ZBTB8B: variants seen among roughly 807,000 people sequenced by gnomAD.
ZBTB8B encodes the protein zinc finger and BTB domain-containing protein 8B.
Under a neutral mutation model 30.3 loss-of-function variants are expected in ZBTB8B, and 17 were observed. The ratio of observed to expected loss-of-function variants is 0.56; its 90% CI spans 0.38 to 0.84. ZBTB8B has a LOEUF of 0.84. Ranked by LOEUF, ZBTB8B falls within the 40% of genes least tolerant of loss-of-function variation. The pLI, the probability that ZBTB8B is intolerant of heterozygous loss-of-function variation, is 0.00. For missense variants in ZBTB8B, 515 were observed against 644.9 expected (o/e 0.80, Z 2.18); for synonymous variants, 248 against 255.6 (o/e 0.97, Z 0.28).
In ZBTB8B at chr1:32,484,176, C is replaced by T. The variant is rs1474948236; in HGVS notation, c.1171-925C>T. Among the ~76,000 whole-genome samples, 1 of 151,396 alleles carries T rather than the reference C, an allele frequency of 6.6e-6. No homozygotes were observed. Among genetic ancestry groups the T allele is most frequent in the Non-Finnish European group, 1.5e-5 (1 of 67,908 alleles). Reference sequence around the variant, plus strand: ...TAAGCTATTATCATGTCACTGCACTCCAGCCTGGGTGACAGAGAAAGACCC... The same window carrying T: ...TAAGCTATTATCATGTCACTGCACTTCAGCCTGGGTGACAGAGAAAGACCC... On this transcript the variant is annotated intron_variant, in intron 3 of 3. Transcript: ENST00000609129. The surrounding 1 kb of genome is among the most constrained non-coding windows in gnomAD (Gnocchi z 4.5).
intron 1 of ZBTB8B, among the ~76,000 whole-genome samples, 167 bp from the exon 2 acceptor site, chr1:32,470,417 G>A (rs1218191082): frequency 1.4e-5 from 2 of 146,218 alleles, no homozygotes; most frequent in Non-Finnish European, 3.0e-5. Context: ...GGAGGATGGC[G>A]TGAACCCAGG....
At chr1:32,470,550 G>A (rs1262041534) in intron 1 of ZBTB8B, 34 bp from the exon 2 acceptor site, 1 of 1,295,204 alleles carries the variant, frequency 7.7e-7, no homozygotes, top group Non-Finnish European at 1.0e-6. Context: ...TAAAGGTTGG[G>A]ATTTGTGAAT....
At position 32,488,510 on chromosome 1, in the gene ZBTB8B, G is replaced by A. The variant is rs1405941975; in HGVS notation, c.*3092G>A. 3 of 152,096 alleles carry A rather than the reference G, an allele frequency of 2.0e-5. No homozygotes were observed. The highest frequency in any genetic ancestry group is 7.2e-5 in the African/African-American group (3 of 41,396). The allele number at this position is 152,096 out of a possible 1,614,324, so 9.4% of individuals were successfully genotyped here. ...ATTTTACATTAGAGATTTCACTGTA[G>A]GACAGTGATTCTCAGTTGGGGGTGA... is the stretch of plus-strand genomic sequence containing the variant. On this transcript the variant is annotated 3_prime_UTR_variant, in exon 4 of 4. Coordinates refer to ENST00000609129, the MANE Select transcript of ZBTB8B (RefSeq NM_001145720.2).
intron 1 of ZBTB8B, among the ~76,000 whole-genome samples, chr1:32,466,524 C>T (rs923168194): frequency 1.3e-5 from 2 of 151,888 alleles, no homozygotes; most frequent in African/African-American, 2.4e-5. Context: ...CAGCACTTCC[C>T]GGGGCAGCAG....
intron 2 of ZBTB8B, among the ~76,000 whole-genome samples, chr1:32,480,355 T>C (rs1222092070): frequency 6.6e-6 from 1 of 152,150 alleles, no homozygotes; most frequent in Non-Finnish European, 1.5e-5. Context: ...TTCCTCTTCT[T>C]ATAAGGAAAC....
chr1:32,476,456 C>T (rs1351290676), intron 2 of ZBTB8B, among the ~76,000 whole-genome samples: 2 of 152,148 alleles, frequency 1.3e-5, no homozygotes, highest in African/African-American at 4.8e-5. Flanking sequence ...TGTCTCCTCT[C>T]CACCTCCACA....
Position 32,471,366 on chromosome 1 carries a change from C to A in ZBTB8B, c.742C>A (p.Gln248Lys). ...VEVDVGEQLQ[Q>K]YAAPLNLAHV... is the part of the protein sequence containing the mutation. ...GGTGGACGTTGGTGAACAGCTGCAG[C>A]AGTATGCTGCCCCGCTGAACCTGGC... The change falls in exon 2 of 4, where the codon CAG (glutamine) becomes AAG (lysine). Residue 248 changes from glutamine to lysine, a missense_variant. Coordinates refer to ENST00000609129, the MANE Select transcript of ZBTB8B (RefSeq NM_001145720.2). The A allele has an allele frequency of 1.3e-6, 2 of 1,551,804 alleles. No individual in the cohort carries two copies. Among genetic ancestry groups the A allele is most frequent in the Non-Finnish European group, 1.7e-6 (2 of 1,147,024 alleles).
chr1:32,471,426 G>T lies in ZBTB8B; in HGVS notation c.802G>T (p.Val268Phe). 6.4e-7 allele frequency: 1 copy of T among 1,551,822 alleles called. No homozygotes were observed. Among genetic ancestry groups the T allele is most frequent in the Non-Finnish European group, 8.7e-7 (1 of 1,147,020 alleles). Residue 268 changes from valine (V) to phenylalanine (F), a missense_variant, in exon 2 of 4, where the codon GTT (valine) becomes TTT (phenylalanine). Transcript: ENST00000609129. Reference sequence around the variant, plus strand: ...GGAGGCCTTGCCAAGCGGCCAGGCGGTTGACTTGGCTTACAGCAACTACCA... The same window carrying T: ...GGAGGCCTTGCCAAGCGGCCAGGCGTTTGACTTGGCTTACAGCAACTACCA... ...VEEALPSGQAVDLAYSNYHVK... is the reference protein window; with the variant it reads ...VEEALPSGQAFDLAYSNYHVK...
rs1456880701 is a variant in ZBTB8B at position 32,471,589 on chromosome 1, A to G, written c.965A>G (p.Gln322Arg). 6.4e-6 allele frequency: 10 copies of G among 1,551,524 alleles called. No homozygotes were observed. The highest frequency in any genetic ancestry group is 1.4e-5 in the African/African-American group (1 of 73,064). The change falls in exon 2 of 4, where the codon CAG (glutamine) becomes CGG (arginine). Residue 322 changes from glutamine (Q) to arginine (R), a missense_variant. Physicochemically the swap from Gln to Arg is conservative, Grantham distance 43. This residue lies in a region of ZBTB8B where 429 missense variants were observed against 504.3 expected (regional missense o/e 0.85). Transcript: ENST00000609129. ...GCCATGAGTTCCATGATGGATGTCC[A>G]GGCTGACTGGTATGGAGAGGACTCA... ...GVAMSSMMDV[Q>R]ADWYGEDSGD... is the part of the protein sequence containing the mutation.
At chr1:32,477,778 C>T (rs932565012) in intron 2 of ZBTB8B, among the ~76,000 whole-genome samples, 5 of 151,874 alleles carry the variant, frequency 3.3e-5, no homozygotes, top group Non-Finnish European at 5.9e-5. Context: ...TGCCCATGGC[C>T]GGGCATGGTG....
intron 2 of ZBTB8B, among the ~76,000 whole-genome samples, chr1:32,475,493 G>A (rs1416286033): frequency 1.3e-5 from 2 of 152,120 alleles, no homozygotes; most frequent in Admixed American, 1.3e-4. Context: ...GGCTGAGGCA[G>A]GAGAATTGCT....
intron 3 of ZBTB8B, among the ~76,000 whole-genome samples, chr1:32,483,685 A>G (rs991239768): frequency 5.3e-5 from 8 of 152,106 alleles, no homozygotes; most frequent in Non-Finnish European, 8.8e-5. Flanking sequence ...CCTAGAACTT[A>G]AAGTATACTT....
intron 2 of ZBTB8B, among the ~76,000 whole-genome samples, chr1:32,480,455 A>G (rs1417386214): frequency 1.3e-5 from 2 of 152,342 alleles, no homozygotes; most frequent in Admixed American, 6.5e-5. Context: ...ACTTCAAGGT[A>G]TGAATTTTAG....
chr1:32,495,563 A>AGGTT lies in ZBTB8B; in HGVS notation c.*10145_*10146insGGTT, dbSNP rs1410882799. The AGGTT allele has an allele frequency of 6.3e-3, 956 of 152,344 alleles. 10 individuals are homozygous for AGGTT. Among genetic ancestry groups the AGGTT allele is most frequent in the African/African-American group, 0.02 (840 of 41,582 alleles). 9.4% of individuals were successfully genotyped at this position (152,344 alleles called of 1,614,324 possible). ...CAAGTTTAGAATAGGAGTGGCCTCAACAAAGGAAAAAGTCCTTTGTTCCTC... is the reference window on the plus strand; with the variant it reads ...CAAGTTTAGAATAGGAGTGGCCTCAAGGTTCAAAGGAAAAAGTCCTTTGTTCCTC... On this transcript the variant is annotated 3_prime_UTR_variant, in exon 4 of 4. Transcript: ENST00000609129.
chr1:32,485,177 G>T lies in ZBTB8B; in HGVS notation c.1247G>T (p.Arg416Leu). 6.4e-7 allele frequency: 1 copy of T among 1,551,972 alleles called. No homozygotes were observed. The highest frequency in any genetic ancestry group is 8.7e-7 in the Non-Finnish European group (1 of 1,147,052). Residue 416 changes from arginine to leucine, a missense_variant, in exon 4 of 4, where the codon CGG (arginine) becomes CTG (leucine). Physicochemically the swap from Arg to Leu is moderately radical, Grantham distance 102. This residue lies in a region of ZBTB8B where 429 missense variants were observed against 504.3 expected (regional missense o/e 0.85). Coordinates refer to ENST00000609129, the MANE Select transcript of ZBTB8B (RefSeq NM_001145720.2). ...TFTSHLSQGL[R>L]RFGLCDSCTC... ...ACGAGTCACCTGTCCCAGGGGCTGC[G>T]GCGCTTCGGGCTGTGTGACAGCTGC...
intron 1 of ZBTB8B, among the ~76,000 whole-genome samples, chr1:32,466,430 A>T (rs1643571046): frequency 6.6e-6 from 1 of 152,068 alleles, no homozygotes. Context: ...GATGGTTGGG[A>T]GGTTCCCTGC....
chr1:32,478,282 C>T (rs905531622), intron 2 of ZBTB8B, among the ~76,000 whole-genome samples: 1 of 151,650 alleles, frequency 6.6e-6, no homozygotes, highest in African/African-American at 2.4e-5. Flanking sequence ...GAGGCTGAAG[C>T]GGGTGGATCA....
intron 2 of ZBTB8B, among the ~76,000 whole-genome samples, chr1:32,472,524 C>T (rs1367763036): frequency 6.6e-6 from 1 of 152,204 alleles, no homozygotes; most frequent in African/African-American, 2.4e-5. Context: ...GAGATTTATA[C>T]TTCTCTGTGT....
intron 3 of ZBTB8B, among the ~76,000 whole-genome samples, chr1:32,482,815 C>T (rs1643715686): frequency 6.6e-6 from 1 of 151,382 alleles, no homozygotes; most frequent in Non-Finnish European, 1.5e-5. Context: ...TCAATTAAAC[C>T]TGGGCAAAGG....
Sources: allele counts gnomAD v4.1 joint callset (sites outside exome capture counted in the v4.1 genomes callset), GRCh38; gene constraint gnomAD v4.1.1; regional missense constraint gnomAD v4.1.1; non-coding constraint Gnocchi (gnomAD v3.1); transcripts MANE v1.5; gene names NCBI Gene and HGNC (gene_info 2026-07-23, HGNC 2026-07-21).